The following FGF7 variants were observed in gnomAD, a reference collection of about 807,000 sequenced individuals.
FGF7 encodes FGF-7.
FGF7 carries 6 observed loss-of-function variants against 20.5 expected under a neutral mutation model. The observed-to-expected ratio is 0.29, with a 90% CI of 0.16 to 0.58. The LOEUF is 0.58. FGF7 is among the 20% of genes least tolerant of loss of function. The pLI, the probability that FGF7 is intolerant of heterozygous loss-of-function variation, is 0.90. For synonymous variants in FGF7, 64 were observed against 74.7 expected (o/e 0.86, Z 0.74); for missense variants, 144 against 228.8 (o/e 0.63, Z 2.39).
At chr15:49,478,423 T>C (rs1166929900) in intron 2 of FGF7, among the ~76,000 whole-genome samples, 6 of 152,148 alleles carry the variant, frequency 3.9e-5, no homozygotes, top group Non-Finnish European at 8.8e-5. Context: ...TATGTCGGTG[T>C]ATTTTAGTGA....
At chr15:49,439,276 A>AGGAGAGAG (rs978389028) in intron 2 of FGF7, among the ~76,000 whole-genome samples, 22 of 151,112 alleles carry the variant, frequency 1.5e-4, no homozygotes, top group Admixed American at 4.6e-4. Context: ...TGAGAGGGGT[A>AGGAGAGAG]GGAGAGAGAG....
intron 2 of FGF7, among the ~76,000 whole-genome samples, chr15:49,441,357 G>A (rs1278087921): frequency 3.3e-5 from 5 of 151,492 alleles, no homozygotes; most frequent in Non-Finnish European, 5.9e-5. Flanking sequence ...CATATGTCTT[G>A]GATTCAGCCC....
chr15:49,479,599 G>GTTTTTTTGTTTTTTTT (rs2055712240), intron 2 of FGF7, among the ~76,000 whole-genome samples: 2 of 63,292 alleles, frequency 3.2e-5, no homozygotes, highest in African/African-American at 1.3e-4. Context: ...TAATACCTCT[G>GTTTTTTTGTTTTTTTT]TTTTTTTTTT....
chr15:49,459,011 TA>T (rs2151918464), intron 2 of FGF7, among the ~76,000 whole-genome samples: 1 of 152,294 alleles, frequency 6.6e-6, no homozygotes, highest in Admixed American at 6.5e-5. Context: ...TCATTTCTAT[TA>T]AAAAACACAC....
chr15:49,424,738 C>A, intron 2 of FGF7, 155 bp downstream of exon 2: 1 of 549,854 alleles, frequency 1.8e-6, no homozygotes. Flanking sequence ...TGAACTATGC[C>A]CCTAAAAATA....
At chr15:49,452,301 C>A (rs1350895516) in intron 2 of FGF7, among the ~76,000 whole-genome samples, 2 of 152,144 alleles carry the variant, frequency 1.3e-5, no homozygotes, top group Non-Finnish European at 2.9e-5. Context: ...TATCTGCCTG[C>A]CTTGGCTTCC....
chr15:49,425,542 T>A lies in FGF7; in HGVS notation c.286+959T>A, dbSNP rs529262628. The A allele has an allele frequency of 3.9e-5, 6 of 152,100 alleles. No homozygotes were observed. The East Asian group carries it at 1.2e-3, about 29-fold the overall frequency. 9.4% of individuals were successfully genotyped at this position (152,100 alleles called of 1,614,324 possible). A position where few individuals can be genotyped will look rare whatever the true frequency, so the allele number is the denominator to read the frequency against. ...ATTGTTATTAATATATAATTTCATA[T>A]TAATTGTTTTAAAGTCATTTGAAAA... is the stretch of plus-strand genomic sequence containing the variant. On this transcript the variant is annotated intron_variant, in intron 2 of 3. Transcript: ENST00000267843.
chr15:49,427,429 A>C (rs2050222740), intron 2 of FGF7, among the ~76,000 whole-genome samples: 1 of 152,066 alleles, frequency 6.6e-6, no homozygotes, highest in African/African-American at 2.4e-5. Context: ...GATCAGAATC[A>C]AACTCAGAAT....
intron 2 of FGF7, among the ~76,000 whole-genome samples, chr15:49,470,623 C>T (rs2151963488): frequency 6.6e-6 from 1 of 152,300 alleles, no homozygotes; most frequent in South Asian, 2.1e-4. Context: ...TCTCTAACTT[C>T]TTTTGCTTTA....
chr15:49,480,155 G>A (rs970862181), intron 2 of FGF7, among the ~76,000 whole-genome samples: 6 of 152,112 alleles, frequency 3.9e-5, no homozygotes, highest in Non-Finnish European at 7.4e-5. Context: ...ATTTCCCAGT[G>A]TTAATGGTAT....
chr15:49,487,581 TAA>T lies in FGF7; in HGVS notation c.*3079_*3080del, dbSNP rs2056506009. Reference sequence around the variant, plus strand: ...TGGTTCTCTAGACTGCCAAAGAACATAAAGATGTGCGAGGGGACCTAGCTGTA... The same window carrying T: ...TGGTTCTCTAGACTGCCAAAGAACATAGATGTGCGAGGGGACCTAGCTGTA... On this transcript the variant is annotated 3_prime_UTR_variant, in exon 4 of 4. Coordinates refer to ENST00000267843, the MANE Select transcript of FGF7 (RefSeq NM_002009.4). The T allele has an allele frequency of 6.6e-6, 1 of 151,838 alleles. No homozygotes were observed. The highest frequency in any genetic ancestry group is 2.4e-5 in the African/African-American group (1 of 41,368). The allele number at this position is 151,838 out of a possible 1,614,324, so 9.4% of individuals were successfully genotyped here. A position where few individuals can be genotyped will look rare whatever the true frequency, so the allele number is the denominator to read the frequency against.
At chr15:49,446,692 A>G (rs1315904235) in intron 2 of FGF7, among the ~76,000 whole-genome samples, 1 of 151,608 alleles carries the variant, frequency 6.6e-6, no homozygotes, top group Non-Finnish European at 1.5e-5. Flanking sequence ...GCTGGAGAAT[A>G]TGATGCAAAG....
At chr15:49,436,801 G>T (rs2051147364) in intron 2 of FGF7, among the ~76,000 whole-genome samples, 1 of 151,480 alleles carries the variant, frequency 6.6e-6, no homozygotes, top group South Asian at 2.1e-4. Context: ...ACTGTCACTG[G>T]TGTTATTAAA....
At chr15:49,472,896 T>A (rs754402763) in intron 2 of FGF7, among the ~76,000 whole-genome samples, 1 of 143,556 alleles carries the variant, frequency 7.0e-6, no homozygotes, top group African/African-American at 2.4e-5. Context: ...GAAAGGAGTA[T>A]CTAATTTTTT....
chr15:49,450,462 C>T (rs1304833328), intron 2 of FGF7, among the ~76,000 whole-genome samples: 1 of 152,060 alleles, frequency 6.6e-6, no homozygotes, highest in Non-Finnish European at 1.5e-5. Context: ...TCCTCTTAGC[C>T]AGCTACACCA....
At chr15:49,434,802 A>G (rs1334691065) in intron 2 of FGF7, 1 of 151,582 alleles carries the variant, frequency 6.6e-6, no homozygotes, top group Non-Finnish European at 1.5e-5. Context: ...TTCACTGTGT[A>G]TGCTCAATCT....
intron 2 of FGF7, among the ~76,000 whole-genome samples, chr15:49,480,666 A>G (rs1314051118): frequency 6.6e-6 from 1 of 152,024 alleles, no homozygotes; most frequent in Non-Finnish European, 1.5e-5. Flanking sequence ...TATTTTTAGT[A>G]GAAACGGGGT....
At position 49,487,719 on chromosome 15, in the gene FGF7, A is replaced by C. The variant is rs2056519987; in HGVS notation, c.*3215A>C. On this transcript the variant is annotated 3_prime_UTR_variant, in exon 4 of 4. Coordinates refer to ENST00000267843, the MANE Select transcript of FGF7 (RefSeq NM_002009.4). ...AAATAAGAAGTTAGAGAATAATGCA[A>C]AGGGGGCCCACCACAGACGGAACAT... The C allele has an allele frequency of 6.6e-6, 1 of 151,948 alleles. No homozygotes were observed. The highest frequency in any genetic ancestry group is 1.5e-5 in the Non-Finnish European group (1 of 67,894). The allele number at this position is 151,948 out of a possible 1,614,324, so 9.4% of individuals were successfully genotyped here.
intron 2 of FGF7, among the ~76,000 whole-genome samples, chr15:49,455,941 G>C (rs2053243995): frequency 1.3e-5 from 2 of 152,014 alleles, no homozygotes; most frequent in African/African-American, 4.8e-5. Flanking sequence ...TACAGAATGG[G>C]AACTATGTTG....
Sources: gnomAD v4.1 joint callset for allele counts (sites outside exome capture counted in the v4.1 genomes callset) on GRCh38, gnomAD v4.1.1 for gene constraint, MANE v1.5 for transcripts, NCBI Gene and HGNC (gene_info 2026-07-23, HGNC 2026-07-21) for gene names.